Variants in NR5A1 observed in about 807,000 individuals in gnomAD.
The protein encoded by NR5A1 is nuclear receptor subfamily 5 group A member 1.
A neutral mutation model predicts 42.7 loss-of-function variants in NR5A1; 6 were observed. The ratio of observed to expected loss-of-function variants is 0.14; its 90% CI spans 0.08 to 0.28. The LOEUF (loss-of-function observed/expected upper bound fraction) is 0.28. Ranked by LOEUF, NR5A1 falls within the 10% of genes least tolerant of loss-of-function variation. The pLI, the probability that NR5A1 is intolerant of heterozygous loss-of-function variation, is 1.00. For missense variants in NR5A1, 442 were observed against 626.4 expected (o/e 0.71, Z 3.14); for synonymous variants, 274 against 277.5 (o/e 0.99, Z 0.12).
At chr9:124,492,889 G>T (rs1832338209) in intron 5 of NR5A1, 141 bp downstream of exon 5, 2 of 1,073,906 alleles carry the variant, frequency 1.9e-6, no homozygotes, top group African/African-American at 3.2e-5. Context: ...GGTGTTCCAT[G>T]AACGTGGGGA....
Position 124,500,570 on chromosome 9 carries a change from C to G in NR5A1, c.390G>C (p.Pro130=). The G allele has an allele frequency of 6.2e-7, 1 of 1,611,698 alleles. No individual in the cohort carries two copies. The highest frequency in any genetic ancestry group is 8.5e-7 in the Non-Finnish European group (1 of 1,179,844). ...CGTAGTCCGGTGCGGGAGGGGGCGG[C>G]GGGGGCACCCCCATCGGGGGCCCTG... ...LETGPPMGVP[P]PPPPAPDYVL... The change falls in exon 4 of 7, where the codon CCG becomes CCC. Residue 130 remains proline (P), a synonymous_variant. Transcript: ENST00000373588. The surrounding 1 kb of genome is among the most constrained non-coding windows in gnomAD (Gnocchi z 6.9).
In NR5A1 at chr9:124,501,094, A is replaced by G; in HGVS notation, c.245-379T>C. ...CAGGAAGCACTCCTGGATTCATGCA[A>G]ACGGGCTCTACTGTCCTTGCCCCAG... is the stretch of plus-strand genomic sequence containing the variant. On this transcript the variant is annotated intron_variant, in intron 3 of 6. Coordinates refer to ENST00000373588, the MANE Select transcript of NR5A1 (RefSeq NM_004959.5). This position sits in a 1 kb window ranked among gnomAD's most constrained non-coding sequence, Gnocchi z 4.1. The G allele has an allele frequency of 2.0e-6, 1 of 509,680 alleles. No homozygotes were observed. The highest frequency in any genetic ancestry group is 3.9e-6 in the Non-Finnish European group (1 of 256,528). The allele number at this position is 509,680 out of a possible 1,614,324, so 31.6% of individuals were successfully genotyped here.
intron 6 of NR5A1, among the ~76,000 whole-genome samples, chr9:124,488,082 G>A (rs543844975): frequency 2.5e-4 from 34 of 137,364 alleles, no homozygotes; most frequent in African/African-American, 8.7e-4. Context: ...AGAACTTTCA[G>A]GATTCCCCAG....
chr9:124,491,385 G>A (rs913692440), intron 5 of NR5A1, among the ~76,000 whole-genome samples, 157 bp from the exon 6 acceptor site: 12 of 152,258 alleles, frequency 7.9e-5, no homozygotes, highest in South Asian at 6.2e-4. Flanking sequence ...AGCCAGGCAC[G>A]GGTAACATCT....
chr9:124,490,835 G>T (rs1832296307), intron 6 of NR5A1, among the ~76,000 whole-genome samples: 1 of 152,216 alleles, frequency 6.6e-6, no homozygotes, highest in African/African-American at 2.4e-5. Flanking sequence ...CAGGATGGGA[G>T]CCTGGAATAA....
At chr9:124,489,770 C>A (rs1306371476) in intron 6 of NR5A1, among the ~76,000 whole-genome samples, 1 of 135,938 alleles carries the variant, frequency 7.4e-6, no homozygotes, top group African/African-American at 2.7e-5. Context: ...CAATGGCTGT[C>A]CCCTGCTGAC....
intron 6 of NR5A1, among the ~76,000 whole-genome samples, chr9:124,490,755 T>C (rs936501679): frequency 1.1e-4 from 17 of 151,408 alleles, no homozygotes; most frequent in African/African-American, 3.9e-4. Context: ...AGCAAAGGGG[T>C]CCAGGCCCCC....
At position 124,503,451 on chromosome 9, in the gene NR5A1, G is replaced by C. The variant is rs945250588; in HGVS notation, c.-15-41C>G. On this transcript the variant is annotated intron_variant, in intron 1 of 6. Transcript: ENST00000373588. The surrounding 1 kb of genome is among the most constrained non-coding windows in gnomAD (Gnocchi z 9.6). ...GGGTCAGGGAGGGCCGGCGGAGACC[G>C]GCAGCCTGGGGTCCCCGCGGCCGCC... 2.2e-5 allele frequency: 33 copies of C among 1,511,272 alleles called. No individual in the cohort carries two copies. The highest frequency in any genetic ancestry group is 4.5e-4 in the Middle Eastern group (2 of 4,418). The allele number at this position is 1,511,272 out of a possible 1,614,324, so 93.6% of individuals were successfully genotyped here.
At chr9:124,505,773 G>C (rs1046930089) in intron 1 of NR5A1, among the ~76,000 whole-genome samples, 1 of 152,108 alleles carries the variant, frequency 6.6e-6, no homozygotes, top group South Asian at 2.1e-4. Flanking sequence ...GAGCTCTCAC[G>C]GGGGGGTGGG....
rs377234097 is a variant in NR5A1, at chr9:124,503,034, C to G, written c.244+45G>C. 1 of 1,538,168 alleles carries G rather than the reference C, an allele frequency of 6.5e-7. No homozygotes were observed. The highest frequency in any genetic ancestry group is 2.0e-5 in the Admixed American group (1 of 51,224). On this transcript the variant is annotated intron_variant, in intron 3 of 6. Transcript: ENST00000373588. The surrounding 1 kb of genome is among the most constrained non-coding windows in gnomAD (Gnocchi z 9.6). ...CTCTCCCACCCCCACCCCCTACCCC[C>G]TCAGGCTGTGGGGGGTCAGGGGTCG...
At position 124,503,152 on chromosome 9, in the gene NR5A1, G is replaced by C; in HGVS notation, c.171C>G (p.Ile57Met). ...GACAGCGCTTGCGCTGCGTCTTGTC[G>C]ATCTTGCAGCTCTGGCTCTCGGTGC... ...YTCTESQSCKIDKTQRKRCPF... is the reference protein window; with the variant it reads ...YTCTESQSCKMDKTQRKRCPF... The change falls in exon 3 of 7, where the codon ATC becomes ATG. Residue 57 changes from isoleucine (I) to methionine (M), a missense_variant. Coordinates refer to ENST00000373588, the MANE Select transcript of NR5A1 (RefSeq NM_004959.5). The surrounding 1 kb of genome is among the most constrained non-coding windows in gnomAD (Gnocchi z 9.6). 2 of 1,599,678 alleles carry C rather than the reference G, an allele frequency of 1.3e-6. No homozygotes were observed. The highest frequency in any genetic ancestry group is 1.7e-6 in the Non-Finnish European group (2 of 1,174,196).
At position 124,500,710 on chromosome 9, in the gene NR5A1, G is replaced by A. The variant is rs1832458239; in HGVS notation, c.250C>T (p.Arg84Cys). 2 of 1,612,568 alleles carry A rather than the reference G, an allele frequency of 1.2e-6. No homozygotes were observed. Among genetic ancestry groups the A allele is most frequent in the African/African-American group, 1.3e-5 (1 of 74,904 alleles). ...LTVGMRLEAV[R>C]ADRMRGGRNK... The stretch of plus-strand genomic sequence containing the variant: ...CGGCCACCCCTCATACGGTCAGCGC[G>A]CACGGCTGTGGGCAGGGGCAGAGGG... The change falls in exon 4 of 7, where the codon CGC becomes TGC. Residue 84 changes from arginine (R) to cysteine (C), a missense_variant. Around this residue, in one of 3 missense-constraint regions of NR5A1, gnomAD observed 71 missense variants for 156.8 expected, o/e 0.45. Coordinates refer to ENST00000373588, the MANE Select transcript of NR5A1 (RefSeq NM_004959.5). This position sits in a 1 kb window ranked among gnomAD's most constrained non-coding sequence, Gnocchi z 6.9.
chr9:124,495,695 C>T (rs1391633171), intron 4 of NR5A1, among the ~76,000 whole-genome samples: 1 of 152,118 alleles, frequency 6.6e-6, no homozygotes, highest in Admixed American at 6.5e-5. Flanking sequence ...GGGGAGGTGG[C>T]GGAGGAGCGA....
chr9:124,485,361 C>T (rs1832191792), intron 6 of NR5A1, among the ~76,000 whole-genome samples: 1 of 152,172 alleles, frequency 6.6e-6, no homozygotes, highest in Non-Finnish European at 1.5e-5. Flanking sequence ...AGCCCTGGCC[C>T]CCTAATCCCC....
intron 6 of NR5A1, among the ~76,000 whole-genome samples, chr9:124,485,498 G>A (rs528409424): frequency 2.9e-3 from 445 of 152,280 alleles, no homozygotes; most frequent in Middle Eastern, 6.8e-3. Flanking sequence ...CTGGGCCCGG[G>A]GGTGGACGGC....
intron 6 of NR5A1, 45 bp downstream of exon 6, chr9:124,491,036 C>CCCCCCCCCGGGGGGGG: frequency 1.2e-5 from 17 of 1,401,578 alleles, no homozygotes; most frequent in Middle Eastern, 2.6e-4. Flanking sequence ...CCCACCCACC[C>CCCCCCCCCGGGGGGGG]GCCTCTGGCT....
intron 1 of NR5A1, among the ~76,000 whole-genome samples, chr9:124,504,748 G>T (rs2131291837): frequency 6.8e-6 from 1 of 146,482 alleles, no homozygotes; most frequent in East Asian, 2.0e-4. Context: ...CGGCCGCGCC[G>T]CCGCCGCCGG....
chr9:124,492,503 C>CCATTCATT (rs151199008), intron 5 of NR5A1, among the ~76,000 whole-genome samples: 64 of 152,092 alleles, frequency 4.2e-4, no homozygotes, highest in Middle Eastern at 3.4e-3. Context: ...AGCCCTTTGC[C>CCATTCATT]CATTCATTCA....
At chr9:124,492,954 C>T in intron 5 of NR5A1, 76 bp downstream of exon 5, 1 of 1,470,330 alleles carries the variant, frequency 6.8e-7, no homozygotes, top group South Asian at 1.3e-5. Context: ...GGGTCCTCCT[C>T]TCCGGGGCCC....
Sources: allele counts gnomAD v4.1 joint callset (sites outside exome capture counted in the v4.1 genomes callset), GRCh38; gene constraint gnomAD v4.1.1; regional missense constraint gnomAD v4.1.1; non-coding constraint Gnocchi (gnomAD v3.1); transcripts MANE v1.5; gene names NCBI Gene and HGNC (gene_info 2026-07-23, HGNC 2026-07-21).